Variants in GARNL3 observed in about 807,000 individuals in gnomAD.
GARNL3 encodes GTPase-activating Rap/Ran-GAP domain-like protein 3.
A neutral mutation model predicts 125.0 loss-of-function variants in GARNL3; 63 were observed. That is an observed-to-expected ratio of 0.50 (90% confidence interval 0.41 to 0.62). GARNL3 has a LOEUF of 0.62. Ranked by LOEUF, GARNL3 falls within the 20% of genes least tolerant of loss-of-function variation. GARNL3 has a pLI of 0.00. For synonymous variants in GARNL3, 439 were observed against 457.5 expected, an observed-to-expected ratio of 0.96 and a Z score of 0.52; for missense variants, 994 against 1,244.0, an observed-to-expected ratio of 0.80 and a Z score of 3.02.
At chr9:127,265,935 C>CCTAG (rs1322225773) in intron 1 of GARNL3, among the ~76,000 whole-genome samples, 1 of 152,152 alleles carries the variant, frequency 6.6e-6, no homozygotes, top group Non-Finnish European at 1.5e-5. Flanking sequence ...TGACTGTGTA[C>CCTAG]CTAGCCTGGA....
At chr9:127,337,979 G>A in intron 11 of GARNL3, 137 bp from the exon 12 acceptor site, 3 of 709,322 alleles carry the variant, frequency 4.2e-6, no homozygotes, top group South Asian at 3.4e-5. Context: ...TATGGGTTCT[G>A]TCCCAACCTA....
At chr9:127,249,773 C>T (rs7036127) in intron 2 of GARNL3, among the ~76,000 whole-genome samples, 20,374 of 151,596 alleles carry the variant, frequency 0.13, 4,121 homozygotes, top group African/African-American at 0.44. Flanking sequence ...TTTGCGAGGC[C>T]GAGGCGGGTG....
Position 127,387,257 on chromosome 9 carries a change from G to A in GARNL3, c.2453G>A (p.Gly818Glu). The stretch of plus-strand genomic sequence containing the variant: ...GTCTCATCTGGAGGCAGCTCCAAGG[G>A]GGCCAGTGCCCGAAATTCTCCTCAG... ...NEVSSGGSSK[G>E]ASARNSPQTP... The change falls in exon 25 of 28, where the codon GGG becomes GAG. Residue 818 changes from glycine to glutamate, a missense_variant. Gly to Glu is a moderately conservative substitution (Grantham distance 98). Transcript: ENST00000373387. The A allele has an allele frequency of 1.9e-6, 3 of 1,614,080 alleles. No homozygotes were observed. In the South Asian group the frequency reaches 3.3e-5, roughly 18 times the overall value.
At chr9:127,243,814 C>T (rs1753718154) in intron 2 of GARNL3, among the ~76,000 whole-genome samples, 1 of 152,122 alleles carries the variant, frequency 6.6e-6, no homozygotes, top group African/African-American at 2.4e-5. Flanking sequence ...TATATTTACT[C>T]CTGAATCCCC....
Position 127,318,060 on chromosome 9 carries a change from C to T in GARNL3, c.439-3C>T. On this transcript the variant is annotated splice_polypyrimidine_tract_variant and splice_region_variant and intron_variant, in intron 4 of 27. Transcript: ENST00000373387. Reference sequence around the variant, plus strand: ...CACTGATTTGATGTTTGGACTTTTCCAGGGTACCCAGAAAATATGCCTTCC... The same window carrying T: ...CACTGATTTGATGTTTGGACTTTTCTAGGGTACCCAGAAAATATGCCTTCC... 6.3e-7 allele frequency: 1 copy of T among 1,594,524 alleles called. No homozygotes were observed. The highest frequency in any genetic ancestry group is 1.1e-5 in the South Asian group (1 of 90,602).
At chr9:127,342,373 G>T (rs1017901324) in intron 14 of GARNL3, 39 bp downstream of exon 14, 3 of 1,349,294 alleles carry the variant, frequency 2.2e-6, no homozygotes, top group Admixed American at 1.7e-5. Flanking sequence ...TTCTTATGGG[G>T]TCTGAGTTGA....
chr9:127,344,332 T>C lies in GARNL3; in HGVS notation c.1349T>C (p.Ile450Thr). 6.2e-7 allele frequency: 1 copy of C among 1,611,504 alleles called. No individual in the cohort carries two copies. The highest frequency in any genetic ancestry group is 8.5e-7 in the Non-Finnish European group (1 of 1,177,550). ...GCCCGCCAGGCGGAGTTTGTTAGAA[T>C]AGGGCAGGTGGGTTTTCTTCTGAAA... ...EEARQAEFVRIGQALKLKSIV... is the reference protein window; with the variant it reads ...EEARQAEFVRTGQALKLKSIV... Residue 450 changes from isoleucine to threonine, a missense_variant, in exon 15 of 28, where the codon ATA (isoleucine) becomes ACA (threonine). Physicochemically the swap from Ile to Thr is moderately conservative, Grantham distance 89. Coordinates refer to ENST00000373387, the MANE Select transcript of GARNL3 (RefSeq NM_032293.5).
chr9:127,377,265 C>T (rs942243191), intron 22 of GARNL3, among the ~76,000 whole-genome samples: 10 of 151,972 alleles, frequency 6.6e-5, no homozygotes, highest in East Asian at 1.9e-4. Flanking sequence ...AAAATGTATA[C>T]GATGAAAGTA....
Position 127,325,095 on chromosome 9 carries a change from G to A in GARNL3, c.594G>A (p.Glu198=), listed in dbSNP as rs777747963. ...ACTTGCTGGTTCTTGAAGAACAAGA[G>A]GTGAGTAATTCTATGGAGATATTTG... is the stretch of plus-strand genomic sequence containing the variant. ...QKDLLVLEEQ[E]GSVNFKFGVL... is the part of the protein sequence containing the mutation. Residue 198 remains glutamate (E), a splice_region_variant and synonymous_variant, in exon 7 of 28, where the codon GAG becomes GAA. Coordinates refer to ENST00000373387, the MANE Select transcript of GARNL3 (RefSeq NM_032293.5). 6.2e-7 allele frequency: 1 copy of A among 1,613,334 alleles called. No individual in the cohort carries two copies. Among genetic ancestry groups the A allele is most frequent in the Non-Finnish European group, 8.5e-7 (1 of 1,179,330 alleles).
At chr9:127,340,039 A>T (rs1156857028) in intron 13 of GARNL3, among the ~76,000 whole-genome samples, 1 of 152,036 alleles carries the variant, frequency 6.6e-6, no homozygotes, top group Non-Finnish European at 1.5e-5. Context: ...TGATAGAGCC[A>T]TTGCTGAATC....
chr9:127,360,097 T>C (rs1298435683), intron 21 of GARNL3, among the ~76,000 whole-genome samples: 6 of 152,206 alleles, frequency 3.9e-5, no homozygotes, highest in Non-Finnish European at 8.8e-5. Flanking sequence ...CTCGGCTCAC[T>C]GCAACCTCTG....
At chr9:127,356,732 A>G (rs376690546) in intron 20 of GARNL3, among the ~76,000 whole-genome samples, 5 of 152,338 alleles carry the variant, frequency 3.3e-5, no homozygotes, top group African/African-American at 1.2e-4. Context: ...TCCTGAGTTT[A>G]TATCTTAGCT....
intron 24 of GARNL3, among the ~76,000 whole-genome samples, chr9:127,386,190 T>G (rs1231150884): frequency 6.6e-6 from 1 of 152,236 alleles, no homozygotes. Context: ...CCACTCATTT[T>G]TTTCCAATGT....
At chr9:127,305,623 A>T (rs2131436749) in intron 2 of GARNL3, among the ~76,000 whole-genome samples, 1 of 151,980 alleles carries the variant, frequency 6.6e-6, no homozygotes, top group South Asian at 2.1e-4. Context: ...CCCAGGCTGG[A>T]GTGCAGTATC....
At chr9:127,294,057 G>GCCCC (rs778210539) in intron 2 of GARNL3, among the ~76,000 whole-genome samples, 32 of 152,250 alleles carry the variant, frequency 2.1e-4, no homozygotes, top group Non-Finnish European at 8.8e-5. Context: ...TCAGTGTGCA[G>GCCCC]CCCTTTGGGA....
intron 27 of GARNL3, among the ~76,000 whole-genome samples, chr9:127,391,533 A>AAAAAAAAAAAAAATATAT: frequency 1.3e-5 from 1 of 75,848 alleles, no homozygotes; most frequent in Admixed American, 1.3e-4. Flanking sequence ...ACAAAAAAAA[A>AAAAAAAAAAAAAATATAT]ATATATATAT....
exon 2 of GARNL3, chr9:127,243,247 C>T (rs1423984407): frequency 2.9e-6 from 4 of 1,366,384 alleles, no homozygotes; most frequent in Non-Finnish European, 3.9e-6. Context: ...CCCAGGTCAA[C>T]CTGTAAGTAA....
At chr9:127,239,512 C>T (rs1218124026) in intron 1 of GARNL3, among the ~76,000 whole-genome samples, 1 of 152,182 alleles carries the variant, frequency 6.6e-6, no homozygotes, top group Non-Finnish European at 1.5e-5. Flanking sequence ...AGAGTTCTAG[C>T]ATGGAATTTG....
chr9:127,347,403 CAG>C (rs1478260286), intron 16 of GARNL3, among the ~76,000 whole-genome samples: 3 of 152,054 alleles, frequency 2.0e-5, no homozygotes, highest in African/African-American at 7.2e-5. Flanking sequence ...GCCTGGGTGA[CAG>C]AGCAAGACCT....
Sources: allele counts gnomAD v4.1 joint callset (sites outside exome capture counted in the v4.1 genomes callset), GRCh38; gene constraint gnomAD v4.1.1; transcripts MANE v1.5; gene names NCBI Gene and HGNC (gene_info 2026-07-23, HGNC 2026-07-21).